CRTC1: variants seen among roughly 807,000 people sequenced by gnomAD.
CRTC1 encodes CREB regulated transcription coactivator 1, also known as CREB-regulated transcription coactivator 1.
Under a neutral mutation model 66.1 loss-of-function variants are expected in CRTC1, and 18 were observed. The observed-to-expected ratio is 0.27, with a 90% CI of 0.19 to 0.40. CRTC1 has a LOEUF of 0.40. CRTC1 is among the 10% of genes least tolerant of loss of function. The pLI, the probability that CRTC1 is intolerant of heterozygous loss-of-function variation, is 1.00. For missense variants in CRTC1, 669 were observed against 887.9 expected (o/e 0.75, Z 3.13); for synonymous variants, 416 against 398.8 (o/e 1.04, Z -0.51).
At chr19:18,720,825 C>T (rs1019985611) in intron 1 of CRTC1, among the ~76,000 whole-genome samples, 1 of 151,560 alleles carries the variant, frequency 6.6e-6, no homozygotes, top group Non-Finnish European at 1.5e-5. Context: ...CCCTCTCTTT[C>T]TCTCTGCTCA....
intron 1 of CRTC1, among the ~76,000 whole-genome samples, chr19:18,726,631 T>C (rs2053758560): frequency 6.6e-6 from 1 of 152,192 alleles, no homozygotes; most frequent in African/African-American, 2.4e-5. Context: ...CTGGTGTCCT[T>C]ATAAAGAAGA....
At chr19:18,697,134 G>T (rs976000801) in intron 1 of CRTC1, among the ~76,000 whole-genome samples, 11 of 152,076 alleles carry the variant, frequency 7.2e-5, no homozygotes, top group Non-Finnish European at 1.3e-4. Context: ...AGTGCCGCGT[G>T]CCTCGAGGGC....
intron 1 of CRTC1, among the ~76,000 whole-genome samples, chr19:18,689,653 A>G (rs915189347): frequency 1.4e-5 from 2 of 141,456 alleles, no homozygotes; most frequent in Non-Finnish European, 3.0e-5. Flanking sequence ...GTTTATTCCC[A>G]GTGTGGTGCA....
At chr19:18,711,172 C>T (rs747155701) in intron 1 of CRTC1, among the ~76,000 whole-genome samples, 4 of 152,170 alleles carry the variant, frequency 2.6e-5, no homozygotes, top group African/African-American at 9.7e-5. Context: ...TGAACCTTCC[C>T]GTCCCAGGTG....
chr19:18,764,592 A>C (rs2054687840), intron 8 of CRTC1, among the ~76,000 whole-genome samples: 1 of 152,166 alleles, frequency 6.6e-6, no homozygotes, highest in African/African-American at 2.4e-5. Flanking sequence ...GGGTGAGGGA[A>C]GGGGTGATGA....
At position 18,775,657 on chromosome 19, in the gene CRTC1, T is replaced by A. The variant is rs146150275; in HGVS notation, c.1529T>A (p.Met510Lys). 6.2e-7 allele frequency: 1 copy of A among 1,602,090 alleles called. No individual in the cohort carries two copies. The highest frequency in any genetic ancestry group is 8.5e-7 in the Non-Finnish European group (1 of 1,174,922). ...CCTTCCCAGCTGGAGCAGTTCAACA[T>A]GATGGAGAACGCCATCAGCTCCAGC... ...ALSHQLEQFNMMENAISSSSL... is the reference protein window; with the variant it reads ...ALSHQLEQFNKMENAISSSSL... Residue 510 changes from methionine (M) to lysine (K), a missense_variant, in exon 13 of 14, where the codon ATG becomes AAG. Met to Lys is a moderately conservative substitution (Grantham distance 95, BLOSUM62 -1). This residue lies in a region of CRTC1 where 79 missense variants were observed against 100.1 expected (regional missense o/e 0.79). Coordinates refer to ENST00000321949, the MANE Select transcript of CRTC1 (RefSeq NM_015321.3).
At chr19:18,737,259 G>T (rs73537994) in intron 1 of CRTC1, among the ~76,000 whole-genome samples, 27,164 of 148,860 alleles carry the variant, frequency 0.18, 2,352 homozygotes, top group East Asian at 0.28. Context: ...GGGGTCAGGT[G>T]GGGGGGTAGG....
chr19:18,765,627 C>T lies in CRTC1; in HGVS notation c.1011+99C>T, dbSNP rs752301698. 293 of 1,203,974 alleles carry T rather than the reference C, an allele frequency of 2.4e-4. 1 individual carries two copies. The highest frequency in any genetic ancestry group is 3.0e-4 in the Non-Finnish European group (261 of 883,098). 74.6% of individuals were successfully genotyped at this position (1,203,974 alleles called of 1,614,324 possible). Reference sequence around the variant, plus strand: ...GCCTCCTGTTCCTTCCAGGAGGCCACAAAACCTTGAGAATGCTCCCAACAC... The same window carrying T: ...GCCTCCTGTTCCTTCCAGGAGGCCATAAAACCTTGAGAATGCTCCCAACAC... On this transcript the variant is annotated intron_variant, in intron 9 of 13. Transcript: ENST00000321949.
chr19:18,689,776 G>A (rs189399215), intron 1 of CRTC1, among the ~76,000 whole-genome samples: 10 of 151,176 alleles, frequency 6.6e-5, no homozygotes, highest in African/African-American at 1.9e-4. Flanking sequence ...TTTGGCTGTC[G>A]TGAATCATGC....
At chr19:18,721,992 A>G (rs1423010725) in intron 1 of CRTC1, among the ~76,000 whole-genome samples, 1 of 152,182 alleles carries the variant, frequency 6.6e-6, no homozygotes, top group Non-Finnish European at 1.5e-5. Flanking sequence ...CCCATGATCC[A>G]GCACATGGGA....
chr19:18,777,227 G>T lies in CRTC1; in HGVS notation c.1750G>T (p.Val584Phe). The T allele has an allele frequency of 6.2e-7, 1 of 1,611,112 alleles. No individual in the cohort carries two copies. Among genetic ancestry groups the T allele is most frequent in the Non-Finnish European group, 8.5e-7 (1 of 1,179,818 alleles). The change falls in exon 14 of 14, where the codon GTC becomes TTC. Residue 584 changes from valine (V) to phenylalanine (F), a missense_variant. Transcript: ENST00000321949. The surrounding 1 kb of genome is among the most constrained non-coding windows in gnomAD (Gnocchi z 5.5). ...SKELTSSLAG[V>F]GDVSFDSDSQ... is the part of the protein sequence containing the mutation. ...AGAACTGACCAGCTCTCTGGCCGGG[G>T]TCGGCGACGTCAGCTTCGACTCCGA...
At position 18,726,931 on chromosome 19, in the gene CRTC1, A is replaced by G. The variant is rs1190913123; in HGVS notation, c.127-15979A>G. ...ACAGAGAAAGACTCCGTCTTGGGGA[A>G]AAAAAAAAAAAAAAAAAAAAAGAAG... On this transcript the variant is annotated intron_variant, in intron 1 of 13. Transcript: ENST00000321949. 1.4e-3 allele frequency among the ~76,000 whole-genome samples: 187 copies of G among 137,668 alleles called. 1 individual carries two copies. Among genetic ancestry groups the G allele is most frequent in the Middle Eastern group, 0.011 (3 of 274 alleles). 90.3% of individuals were successfully genotyped at this position (137,668 alleles called of 152,430 possible). A position where few individuals can be genotyped will look rare whatever the true frequency, so the allele number is the denominator to read the frequency against.
intron 1 of CRTC1, among the ~76,000 whole-genome samples, chr19:18,736,911 G>A (rs2054008958): frequency 6.6e-6 from 1 of 152,176 alleles, no homozygotes; most frequent in South Asian, 2.1e-4. Context: ...TCTGCAGAGC[G>A]AGCCCCAGGA....
chr19:18,711,678 G>A (rs2053395357), intron 1 of CRTC1, among the ~76,000 whole-genome samples: 1 of 152,196 alleles, frequency 6.6e-6, no homozygotes, highest in African/African-American at 2.4e-5. Context: ...TGGTCCTGGG[G>A]TGGGTGCCGG....
At position 18,683,840 on chromosome 19, in the gene CRTC1, GC is replaced by G; in HGVS notation, c.126+15del. On this transcript the variant is annotated intron_variant, in intron 1 of 13. Transcript: ENST00000321949. ...CGCGGGCCGCGCGGGTAAGGGGGCTGCCCGCGCCGACCCTTCAGGGCCGGCG... is the reference window on the plus strand; with the variant it reads ...CGCGGGCCGCGCGGGTAAGGGGGCTGCCGCGCCGACCCTTCAGGGCCGGCG... The G allele has an allele frequency of 1.6e-6, 2 of 1,233,692 alleles. No homozygotes were observed. The highest frequency in any genetic ancestry group is 2.1e-6 in the Non-Finnish European group (2 of 956,374). The allele number at this position is 1,233,692 out of a possible 1,614,324, so 76.4% of individuals were successfully genotyped here.
intron 1 of CRTC1, among the ~76,000 whole-genome samples, chr19:18,734,526 G>GA (rs112158816): frequency 0.28 from 34,292 of 122,604 alleles, 4,383 homozygotes; most frequent in East Asian, 0.41. Context: ...TCTACAGAAA[G>GA]AAAAAAAAAA....
intron 1 of CRTC1, among the ~76,000 whole-genome samples, chr19:18,703,014 C>T (rs2053182524): frequency 6.6e-6 from 1 of 151,876 alleles, no homozygotes; most frequent in Admixed American, 6.6e-5. Context: ...TGGGCTCAGG[C>T]AGTCCTCCTG....
At chr19:18,713,474 C>T (rs1032428198) in intron 1 of CRTC1, among the ~76,000 whole-genome samples, 4 of 148,448 alleles carry the variant, frequency 2.7e-5, no homozygotes, top group African/African-American at 1.0e-4. Flanking sequence ...GGCTGTCTTC[C>T]CGGAGTAGAC....
In CRTC1 at chr19:18,747,132, CCCCCCCCG is replaced by C; in HGVS notation, c.443+24_443+31del. On this transcript the variant is annotated intron_variant, in intron 4 of 13. Transcript: ENST00000321949. ...TGGAGAAGGTCAGTGGCTGGACACC[CCCCCCCCG>C]CCCCCTTCTTGTTGGAAACAAAACC... 1 of 803,768 alleles carries C rather than the reference CCCCCCCCG, an allele frequency of 1.2e-6. No homozygotes were observed. Among genetic ancestry groups the C allele is most frequent in the Non-Finnish European group, 2.0e-6 (1 of 508,602 alleles). 49.8% of individuals were successfully genotyped at this position (803,768 alleles called of 1,614,324 possible).
Sources: allele counts gnomAD v4.1 joint callset (sites outside exome capture counted in the v4.1 genomes callset), GRCh38; gene constraint gnomAD v4.1.1; regional missense constraint gnomAD v4.1.1; non-coding constraint Gnocchi (gnomAD v3.1); transcripts MANE v1.5; gene names NCBI Gene and HGNC (gene_info 2026-07-23, HGNC 2026-07-21).